Variants in STPG2 observed in about 807,000 individuals in gnomAD.
STPG2 encodes sperm-tail PG-rich repeat-containing protein 2.
Under a neutral mutation model 54.2 loss-of-function variants are expected in STPG2, and 56 were observed. The ratio of observed to expected loss-of-function variants is 1.03; its 90% CI spans 0.83 to 1.29. The LOEUF (loss-of-function observed/expected upper bound fraction) is 1.29, where lower values mean the gene tolerates loss of function less well. Ranked by LOEUF, STPG2 falls within the 50% of genes most tolerant of loss-of-function variation. The pLI is 0.00. For synonymous variants in STPG2, 200 were observed against 181.8 expected, an observed-to-expected ratio of 1.10 and a Z score of -0.81; for missense variants, 596 against 544.9, an observed-to-expected ratio of 1.09 and a Z score of -0.93.
At chr4:97,511,128 T>A (rs1160545274) in intron 4 of STPG2, among the ~76,000 whole-genome samples, 1 of 151,898 alleles carries the variant, frequency 6.6e-6, no homozygotes, top group Non-Finnish European at 1.5e-5. Context: ...TTATGTAAAT[T>A]CAAAAAGTAC....
chr4:97,705,363 T>C (rs1352926890), intron 10 of STPG2, among the ~76,000 whole-genome samples: 3 of 151,778 alleles, frequency 2.0e-5, no homozygotes, highest in Non-Finnish European at 4.4e-5. Context: ...TCTCACTCTG[T>C]TACCCAGGCT....
chr4:97,706,231 C>T (rs1198170482), intron 10 of STPG2, among the ~76,000 whole-genome samples: 1 of 152,104 alleles, frequency 6.6e-6, no homozygotes, highest in Non-Finnish European at 1.5e-5. Flanking sequence ...TACTCAGCAC[C>T]CCTCTGCGAG....
At chr4:97,616,075 T>TAC (rs1560686926) in intron 10 of STPG2, among the ~76,000 whole-genome samples, 29 of 79,800 alleles carry the variant, frequency 3.6e-4, no homozygotes, top group African/African-American at 9.4e-4. Flanking sequence ...TATATATATA[T>TAC]ATATATATAT....
chr4:97,696,126 C>A (rs967774124), intron 10 of STPG2, among the ~76,000 whole-genome samples: 3 of 152,084 alleles, frequency 2.0e-5, no homozygotes, highest in Non-Finnish European at 4.4e-5. Context: ...TACTATAAGG[C>A]CATAGTCACC....
chr4:97,684,964 A>G (rs1723144070), intron 10 of STPG2, among the ~76,000 whole-genome samples: 1 of 152,174 alleles, frequency 6.6e-6, no homozygotes, highest in African/African-American at 2.4e-5. Flanking sequence ...GTAAGCATAT[A>G]AAAAGATGCC....
intron 9 of STPG2, among the ~76,000 whole-genome samples, chr4:97,805,242 T>C (rs1727518433): frequency 1.3e-5 from 2 of 152,206 alleles, no homozygotes; most frequent in Admixed American, 1.3e-4. Flanking sequence ...AGTCTCACTA[T>C]GTTGCTCAGG....
chr4:97,491,698 A>G (rs1730507167), intron 4 of STPG2, among the ~76,000 whole-genome samples: 1 of 151,608 alleles, frequency 6.6e-6, no homozygotes, highest in African/African-American at 2.4e-5. Flanking sequence ...TTACAGCTAA[A>G]GAGTGGTGCA....
chr4:98,018,000 T>C (rs1736025116), intron 5 of STPG2, among the ~76,000 whole-genome samples: 1 of 151,988 alleles, frequency 6.6e-6, no homozygotes, highest in Non-Finnish European at 1.5e-5. Context: ...TTAAACTTCT[T>C]TTCTTTTTCT....
chr4:97,486,890 C>A (rs1186818940), intron 4 of STPG2, among the ~76,000 whole-genome samples: 1 of 148,314 alleles, frequency 6.7e-6, no homozygotes, highest in East Asian at 2.0e-4. Context: ...CACACACACA[C>A]ACACACAATG....
rs192633705 is a variant in STPG2, at chr4:97,841,034, C to T, written c.1045-102G>A. ...ACAGTAAGCAATGAATAGAAAAATC[C>T]TAATACTTTTATTAATTAAACATTA... On this transcript the variant is annotated intron_variant, in intron 8 of 10. Coordinates refer to ENST00000295268, the MANE Select transcript of STPG2 (RefSeq NM_174952.3). The T allele has an allele frequency of 3.6e-5, 40 of 1,097,012 alleles. No individual in the cohort carries two copies. The Admixed American group carries it at 9.5e-4, about 26-fold the overall frequency. The allele number at this position is 1,097,012 out of a possible 1,614,324, so 68.0% of individuals were successfully genotyped here. A position where few individuals can be genotyped will look rare whatever the true frequency, so the allele number is the denominator to read the frequency against.
chr4:97,957,353 T>C (rs1413825787), intron 7 of STPG2, among the ~76,000 whole-genome samples: 2 of 151,722 alleles, frequency 1.3e-5, no homozygotes, highest in Non-Finnish European at 2.9e-5. Flanking sequence ...ACAATGTTTT[T>C]TAATTCACCC....
In STPG2 at chr4:98,026,749, G is replaced by T. The variant is rs557739516; in HGVS notation, c.613-45431C>A. Among the ~76,000 whole-genome samples, 7 of 152,218 alleles carry T rather than the reference G, an allele frequency of 4.6e-5. No homozygotes were observed. In the South Asian group the frequency reaches 1.2e-3, roughly 27 times the overall value. On this transcript the variant is annotated intron_variant, in intron 5 of 10. Transcript: ENST00000295268. ...AGTGAGATCTCAATCTTAGGAGCGG[G>T]AGGTGATTCTTCCAAGTTCTTAGTG...
At chr4:98,129,394 C>T (rs13138438) in intron 2 of STPG2, among the ~76,000 whole-genome samples, 1 of 151,876 alleles carries the variant, frequency 6.6e-6, no homozygotes, top group Non-Finnish European at 1.5e-5. Flanking sequence ...CCTAAGTATG[C>T]AAGCTATATA....
At chr4:97,816,899 C>T (rs1341102099) in intron 9 of STPG2, among the ~76,000 whole-genome samples, 6 of 147,440 alleles carry the variant, frequency 4.1e-5, no homozygotes. Flanking sequence ...TTTTATTTCT[C>T]TCATATATGC....
intron 5 of STPG2, among the ~76,000 whole-genome samples, chr4:98,039,465 T>C (rs1418443910): frequency 4.2e-5 from 3 of 72,056 alleles, no homozygotes; most frequent in African/African-American, 1.8e-4. Flanking sequence ...CATATTTCTT[T>C]TGTGTATATA....
chr4:97,973,392 T>C (rs1734399488), intron 6 of STPG2, among the ~76,000 whole-genome samples: 1 of 152,204 alleles, frequency 6.6e-6, no homozygotes, highest in African/African-American at 2.4e-5. Context: ...AAGATGTGAC[T>C]TGGGTGCTGT....
intron 1 of STPG2, among the ~76,000 whole-genome samples, chr4:98,142,706 A>T (rs953883824): frequency 4.0e-5 from 6 of 149,958 alleles, no homozygotes; most frequent in African/African-American, 1.5e-4. Flanking sequence ...AGCGGGAGGT[A>T]AGGGCACAGG....
intron 3 of STPG2, among the ~76,000 whole-genome samples, chr4:98,113,581 G>A (rs144081701): frequency 6.6e-6 from 1 of 152,030 alleles, no homozygotes; most frequent in Non-Finnish European, 1.5e-5. Flanking sequence ...GAGCAGAAAG[G>A]CATTTGCCCT....
chr4:98,126,503 C>A (rs1462836228), intron 3 of STPG2, among the ~76,000 whole-genome samples: 1 of 152,188 alleles, frequency 6.6e-6, no homozygotes, highest in African/African-American at 2.4e-5. Context: ...AGGGAGCTCC[C>A]CTTGCCCCAT....
Sources: gnomAD v4.1 joint callset for allele counts (sites outside exome capture counted in the v4.1 genomes callset) on GRCh38, gnomAD v4.1.1 for gene constraint, MANE v1.5 for transcripts, NCBI Gene and HGNC (gene_info 2026-07-23, HGNC 2026-07-21) for gene names.